SNTG2: variants seen among roughly 807,000 people sequenced by gnomAD.
SNTG2 encodes syntrophin gamma 2, also known as gamma-2-syntrophin.
Under a neutral mutation model 70.9 loss-of-function variants are expected in SNTG2, and 74 were observed. That is an observed-to-expected ratio of 1.04 (90% CI 0.86 to 1.27). The LOEUF (loss-of-function observed/expected upper bound fraction) is 1.27, where lower values mean the gene tolerates loss of function less well. Ranked by LOEUF, SNTG2 falls within the 50% of genes most tolerant of loss-of-function variation. The pLI, the probability that SNTG2 is intolerant of heterozygous loss-of-function variation, is 0.00. For missense variants in SNTG2, 717 were observed against 690.7 expected (o/e 1.04, Z -0.43); for synonymous variants, 278 against 273.8 (o/e 1.02, Z -0.15).
intron 1 of SNTG2, among the ~76,000 whole-genome samples, chr2:1,026,060 T>A (rs958701781): frequency 3.3e-5 from 5 of 152,242 alleles, no homozygotes; most frequent in African/African-American, 1.2e-4. Flanking sequence ...TAAAATGCAT[T>A]CTTTAAAACC....
At chr2:1,101,626 A>T (rs1043409886) in intron 4 of SNTG2, among the ~76,000 whole-genome samples, 3 of 152,026 alleles carry the variant, frequency 2.0e-5, no homozygotes, top group Non-Finnish European at 4.4e-5. Context: ...GGGCTGTGGG[A>T]CTTCGGTGCT....
intron 1 of SNTG2, among the ~76,000 whole-genome samples, chr2:954,839 T>C (rs1409369980): frequency 6.6e-6 from 1 of 152,224 alleles, no homozygotes; most frequent in Admixed American, 6.5e-5. Flanking sequence ...CCCTTGCACA[T>C]TTTAATAAAT....
intron 1 of SNTG2, among the ~76,000 whole-genome samples, chr2:976,075 GAA>G (rs1660898362): frequency 6.6e-6 from 1 of 152,202 alleles, no homozygotes; most frequent in African/African-American, 2.4e-5. Context: ...TCAGAGAAGA[GAA>G]ACCTGTGGCT....
intron 6 of SNTG2, among the ~76,000 whole-genome samples, chr2:1,159,127 T>C (rs1670101813): frequency 1.2e-5 from 1 of 81,606 alleles, no homozygotes; most frequent in African/African-American, 4.5e-5. Flanking sequence ...TGTGTGTGTA[T>C]GCATGGGTGT....
At chr2:1,273,026 C>T (rs1320239159) in intron 14 of SNTG2, among the ~76,000 whole-genome samples, 1 of 152,204 alleles carries the variant, frequency 6.6e-6, no homozygotes, top group East Asian at 1.9e-4. Context: ...ACCATCACCG[C>T]GCAGTGGGTC....
chr2:1,148,263 A>G (rs974769601), intron 6 of SNTG2, among the ~76,000 whole-genome samples: 1 of 152,042 alleles, frequency 6.6e-6, no homozygotes, highest in Non-Finnish European at 1.5e-5. Context: ...GGTTGGTCCC[A>G]CTCCTTATTT....
intron 1 of SNTG2, among the ~76,000 whole-genome samples, chr2:954,525 C>T (rs971992476): frequency 6.6e-6 from 1 of 152,184 alleles, no homozygotes; most frequent in African/African-American, 2.4e-5. Context: ...GTTGTCATGA[C>T]TGTAGTTTTG....
At chr2:956,794 A>G (rs1297266637) in intron 1 of SNTG2, among the ~76,000 whole-genome samples, 1 of 152,370 alleles carries the variant, frequency 6.6e-6, no homozygotes, top group Admixed American at 6.5e-5. Flanking sequence ...ATGTGTTTCT[A>G]TGAACTAGAG....
At chr2:1,100,047 C>T (rs914431847) in intron 4 of SNTG2, among the ~76,000 whole-genome samples, 1 of 152,100 alleles carries the variant, frequency 6.6e-6, no homozygotes, top group East Asian at 1.9e-4. Flanking sequence ...AGAAGGAAAC[C>T]TAGAAATTTA....
chr2:1,195,954 G>T (rs150898929), intron 8 of SNTG2, among the ~76,000 whole-genome samples: 1 of 152,040 alleles, frequency 6.6e-6, no homozygotes, highest in African/African-American at 2.4e-5. Flanking sequence ...TGATATTACA[G>T]CATACCATGA....
chr2:1,198,009 C>A (rs1673035938), intron 8 of SNTG2, among the ~76,000 whole-genome samples: 1 of 151,980 alleles, frequency 6.6e-6, no homozygotes, highest in South Asian at 2.1e-4. Context: ...ATGGATCTAA[C>A]AGATATTTAC....
chr2:1,217,040 G>A (rs562628246), intron 9 of SNTG2, among the ~76,000 whole-genome samples: 19 of 152,110 alleles, frequency 1.2e-4, no homozygotes, highest in African/African-American at 4.6e-4. Flanking sequence ...ATTCCACCAT[G>A]TGCCGACATC....
chr2:1,070,301 T>C (rs1663445954), intron 1 of SNTG2, among the ~76,000 whole-genome samples: 2 of 152,206 alleles, frequency 1.3e-5, no homozygotes, highest in South Asian at 4.2e-4. Flanking sequence ...ACATTGCAGC[T>C]CTTCAGCAAA....
chr2:1,225,387 C>T (rs1278220924), intron 9 of SNTG2, among the ~76,000 whole-genome samples: 11 of 152,084 alleles, frequency 7.2e-5, no homozygotes, highest in Non-Finnish European at 1.2e-4. Context: ...TATTTAAAGA[C>T]GTATGCAGGA....
intron 14 of SNTG2, among the ~76,000 whole-genome samples, chr2:1,296,578 T>C (rs1349180771): frequency 6.6e-6 from 1 of 152,266 alleles, no homozygotes; most frequent in Non-Finnish European, 1.5e-5. Context: ...CCTAGGCTCC[T>C]GGCCCACACT....
At chr2:1,069,349 AAAAC>A (rs1315394330) in intron 1 of SNTG2, among the ~76,000 whole-genome samples, 6 of 151,910 alleles carry the variant, frequency 3.9e-5, no homozygotes, top group Admixed American at 1.3e-4. Context: ...GAAAAAAAAA[AAAAC>A]CTCTTGTCTT....
intron 16 of SNTG2, among the ~76,000 whole-genome samples, chr2:1,352,227 C>A (rs1234719705): frequency 6.6e-6 from 1 of 152,234 alleles, no homozygotes; most frequent in East Asian, 1.9e-4. Context: ...CCAAAGCCAT[C>A]TTCTGCTCAA....
intron 14 of SNTG2, among the ~76,000 whole-genome samples, chr2:1,296,264 A>G (rs1020386901): frequency 2.0e-5 from 3 of 152,244 alleles, no homozygotes; most frequent in East Asian, 1.9e-4. Context: ...CTGCTGACCA[A>G]CTGGGTGCTT....
rs539963384 is a variant in SNTG2, at chr2:1,269,852, C to T, written c.1284+2281C>T. On this transcript the variant is annotated intron_variant, in intron 14 of 16. Coordinates refer to ENST00000308624, the MANE Select transcript of SNTG2 (RefSeq NM_018968.4). ...GGAGGCAATGAGGGTGTTAACAAGC[C>T]GGCACACCTGCAGAGACTGTAAGTG... Among the ~76,000 whole-genome samples the T allele has an allele frequency of 2.6e-5, 4 of 152,190 alleles. No individual in the cohort carries two copies. The South Asian group carries it at 6.2e-4, about 24-fold the overall frequency.
Sources: allele counts gnomAD v4.1 joint callset (sites outside exome capture counted in the v4.1 genomes callset), GRCh38; gene constraint gnomAD v4.1.1; transcripts MANE v1.5; gene names NCBI Gene and HGNC (gene_info 2026-07-23, HGNC 2026-07-21).